Variants in TINAG observed in about 807,000 individuals in gnomAD.
The protein encoded by TINAG is tubulointerstitial nephritis antigen.
TINAG carries 83 observed loss-of-function variants against 72.7 expected under a neutral mutation model. That is an observed-to-expected ratio of 1.14 (90% CI 0.96 to 1.37). The LOEUF is 1.37. Ranked by LOEUF, TINAG falls within the 40% of genes most tolerant of loss-of-function variation. The pLI, the probability that TINAG is intolerant of heterozygous loss-of-function variation, is 0.00. For missense variants in TINAG, 685 were observed against 576.6 expected, an observed-to-expected ratio of 1.19 and a Z score of -1.93; for synonymous variants, 234 against 189.9, an observed-to-expected ratio of 1.23 and a Z score of -1.91.
chr6:54,354,553 A>G lies in TINAG; in HGVS notation c.1167A>G (p.Thr389=). The part of the protein sequence containing the change: ...QVREDFFHYK[T]GIYRHVTSTN... ...GTGAAGATTTCTTCCATTATAAGAC[A>G]GGGATATACAGACATGTTACCAGCA... Residue 389 remains threonine, a synonymous_variant, in exon 9 of 11, where the codon ACA becomes ACG. Coordinates refer to ENST00000259782, the MANE Select transcript of TINAG (RefSeq NM_014464.4). 1 of 1,608,560 alleles carries G rather than the reference A, an allele frequency of 6.2e-7. No homozygotes were observed. The highest frequency in any genetic ancestry group is 1.1e-5 in the South Asian group (1 of 90,470).
At chr6:54,331,628 G>A (rs954769362) in intron 4 of TINAG, among the ~76,000 whole-genome samples, 2 of 152,186 alleles carry the variant, frequency 1.3e-5, no homozygotes, top group Non-Finnish European at 2.9e-5. Context: ...GCAAGAGAAC[G>A]AAATAAAGTG....
At chr6:54,318,765 G>A (rs1263191519) in intron 1 of TINAG, among the ~76,000 whole-genome samples, 1 of 152,258 alleles carries the variant, frequency 6.6e-6, no homozygotes, top group East Asian at 1.9e-4. Context: ...AAGGATTGTA[G>A]CAAAGGAGTG....
intron 9 of TINAG, among the ~76,000 whole-genome samples, chr6:54,370,776 T>A (rs1261125850): frequency 6.6e-6 from 1 of 151,926 alleles, no homozygotes; most frequent in Non-Finnish European, 1.5e-5. Context: ...TGGGCTTTAT[T>A]TTTTTTCTGT....
intron 9 of TINAG, among the ~76,000 whole-genome samples, chr6:54,362,638 T>C (rs1763274491): frequency 6.6e-6 from 1 of 151,610 alleles, no homozygotes; most frequent in Non-Finnish European, 1.5e-5. Flanking sequence ...TACTTTCAAG[T>C]GTTACTACTC....
At position 54,321,369 on chromosome 6, in the gene TINAG, C is replaced by T. The variant is rs200911176; in HGVS notation, c.492C>T (p.Val164=). ...CLVRSELIEQ[V]NKGDYGWTAQ... ...TTCGTTCAGAATTAATTGAACAGGT[C>T]AATAAAGGAGACTATGGGTGAGAGA... Residue 164 remains valine, a synonymous_variant, in exon 3 of 11, where the codon GTC becomes GTT. Transcript: ENST00000259782. 9.3e-6 allele frequency: 15 copies of T among 1,612,164 alleles called. No homozygotes were observed. In the East Asian group the frequency reaches 3.3e-4, roughly 36 times the overall value.
chr6:54,343,903 T>C (rs886952857), intron 5 of TINAG, among the ~76,000 whole-genome samples: 3 of 152,174 alleles, frequency 2.0e-5, no homozygotes, highest in Admixed American at 2.0e-4. Context: ...GAATAGCTTC[T>C]AAATTAAGTC....
intron 6 of TINAG, among the ~76,000 whole-genome samples, chr6:54,348,640 C>G (rs554580882): frequency 6.6e-6 from 1 of 151,972 alleles, no homozygotes; most frequent in African/African-American, 2.4e-5. Flanking sequence ...GGGCACTAAT[C>G]GTATCTATTA....
rs553765802 is a variant in TINAG at position 54,343,096 on chromosome 6, T to C, written c.625-130T>C. 4.3e-4 allele frequency: 329 copies of C among 758,052 alleles called. 2 individuals carry two copies. In the African/African-American group the frequency reaches 4.9e-3, roughly 11 times the overall value. 47.0% of individuals were successfully genotyped at this position (758,052 alleles called of 1,614,324 possible). On this transcript the variant is annotated intron_variant, in intron 4 of 10. Coordinates refer to ENST00000259782, the MANE Select transcript of TINAG (RefSeq NM_014464.4). ...GTGAAATATAAATCCCACATAGCTGTAGTTCATCTGGAAACTTGGATGTAT... is the reference window on the plus strand; with the variant it reads ...GTGAAATATAAATCCCACATAGCTGCAGTTCATCTGGAAACTTGGATGTAT...
intron 3 of TINAG, among the ~76,000 whole-genome samples, chr6:54,323,309 C>A (rs1246753929): frequency 1.3e-5 from 2 of 152,038 alleles, no homozygotes; most frequent in African/African-American, 4.8e-5. Context: ...AGAAATAAAA[C>A]TAAAATTATT....
At chr6:54,377,601 GA>G (rs2150980512) in intron 9 of TINAG, among the ~76,000 whole-genome samples, 1 of 152,204 alleles carries the variant, frequency 6.6e-6, no homozygotes, top group Admixed American at 6.5e-5. Flanking sequence ...ATCTTCAAAT[GA>G]AGAGGTATAT....
chr6:54,318,567 G>T (rs1784422550), intron 1 of TINAG, among the ~76,000 whole-genome samples: 2 of 152,140 alleles, frequency 1.3e-5, no homozygotes, highest in African/African-American at 4.8e-5. Context: ...CTCAACAGGA[G>T]TGATAAGTGC....
At chr6:54,383,266 A>G (rs1410561884) in intron 10 of TINAG, among the ~76,000 whole-genome samples, 1 of 152,138 alleles carries the variant, frequency 6.6e-6, no homozygotes, top group Non-Finnish European at 1.5e-5. Context: ...GGAAAGCAAA[A>G]ACTTTATTCA....
intron 7 of TINAG, 93 bp downstream of exon 7, chr6:54,349,989 T>A: frequency 1.4e-6 from 1 of 734,000 alleles, no homozygotes; most frequent in Non-Finnish European, 1.9e-6. Context: ...TAATTAAAAC[T>A]ATTATATTCT....
chr6:54,378,045 G>A (rs984222856), intron 9 of TINAG, among the ~76,000 whole-genome samples: 7 of 152,098 alleles, frequency 4.6e-5, no homozygotes, highest in African/African-American at 1.7e-4. Flanking sequence ...AGAAGACAGA[G>A]GAGAGGAGAT....
At chr6:54,325,321 C>T (rs141441281) in intron 3 of TINAG, among the ~76,000 whole-genome samples, 5 of 152,292 alleles carry the variant, frequency 3.3e-5, no homozygotes, top group South Asian at 2.1e-4. Context: ...TATCTATGTT[C>T]TCCGTGTTTA....
chr6:54,336,811 C>T (rs1225147636), intron 4 of TINAG, among the ~76,000 whole-genome samples: 2 of 151,908 alleles, frequency 1.3e-5, no homozygotes, highest in African/African-American at 2.4e-5. Context: ...CATTTAAAAC[C>T]TGTTGGTGTA....
chr6:54,381,501 T>C (rs192807427), intron 10 of TINAG, among the ~76,000 whole-genome samples: 394 of 152,148 alleles, frequency 2.6e-3, no homozygotes, highest in Middle Eastern at 6.8e-3. Context: ...TCTTGGTATA[T>C]TTCTTCATAA....
chr6:54,379,216 T>G (rs755173677), intron 9 of TINAG, among the ~76,000 whole-genome samples: 6 of 152,150 alleles, frequency 3.9e-5, no homozygotes, highest in Non-Finnish European at 8.8e-5. Context: ...TGAAAGTAAG[T>G]ACACACTACA....
At chr6:54,312,443 A>G (rs1784280011) in intron 1 of TINAG, among the ~76,000 whole-genome samples, 1 of 152,160 alleles carries the variant, frequency 6.6e-6, no homozygotes, top group South Asian at 2.1e-4. Context: ...TTATCACAGT[A>G]AAGCTGTCTA....
Sources: gnomAD v4.1 joint callset for allele counts (sites outside exome capture counted in the v4.1 genomes callset) on GRCh38, gnomAD v4.1.1 for gene constraint, MANE v1.5 for transcripts, NCBI Gene and HGNC (gene_info 2026-07-23, HGNC 2026-07-21) for gene names.